HTT: variants seen among roughly 807,000 people sequenced by gnomAD.
HTT encodes the protein huntingtin, also known as huntington disease protein.
HTT carries 104 observed loss-of-function variants against 362.3 expected under a neutral mutation model. The ratio of observed to expected loss-of-function variants is 0.29; its 90% CI spans 0.24 to 0.34. The LOEUF (loss-of-function observed/expected upper bound fraction) is 0.34. Among genes scored for constraint, HTT ranks in the 10% least tolerant of loss-of-function variants. The pLI is 1.00. For missense variants in HTT, 3,301 were observed against 3,928.6 expected (o/e 0.84, Z 4.27); for synonymous variants, 1,577 against 1,548.7 (o/e 1.02, Z -0.43).
At chr4:3,177,518 C>T (rs1718294504) in intron 34 of HTT, 131 bp downstream of exon 34, 3 of 596,082 alleles carry the variant, frequency 5.0e-6, no homozygotes, top group South Asian at 2.3e-5. Context: ...ATCTGACTAA[C>T]ATACTGTGCA....
Position 3,212,058 on chromosome 4 carries a change from C to G in HTT, c.6544C>G (p.Gln2182Glu), listed in dbSNP as rs1464059325. 1.4e-5 allele frequency: 23 copies of G among 1,614,216 alleles called. No individual in the cohort carries two copies. Among genetic ancestry groups the G allele is most frequent in the Non-Finnish European group, 1.9e-5 (22 of 1,180,040 alleles). Residue 2182 changes from glutamine to glutamate, a missense_variant, in exon 48 of 67, where the codon CAG becomes GAG. Gln to Glu is a conservative substitution (Grantham distance 29). Transcript: ENST00000355072. ...TLARVSGTVQ[Q>E]LPAVHHVFQP... ...GGCCCGTGTGAGCGGCACCGTGCAG[C>G]AGCTCCCTGCTGTCCATCATGTCTT...
intron 31 of HTT, among the ~76,000 whole-genome samples, chr4:3,173,704 T>TGC (rs1718100782): frequency 1.3e-5 from 2 of 151,844 alleles, no homozygotes; most frequent in East Asian, 1.9e-4. Flanking sequence ...AGTCTTGCTC[T>TGC]GTCGCCCAGG....
At position 3,160,331 on chromosome 4, in the gene HTT, G is replaced by A. The variant is rs199529839; in HGVS notation, c.3803G>A (p.Arg1268His). The A allele has an allele frequency of 5.8e-6, 9 of 1,554,708 alleles. No homozygotes were observed. Among genetic ancestry groups the A allele is most frequent in the South Asian group, 2.4e-5 (2 of 84,244 alleles). Reference protein sequence around the residue: ...NSTEKFGGFLRSALDVLSQIL... With the variant: ...NSTEKFGGFLHSALDVLSQIL... ...ACGGAAAAGTTTGGAGGGTTTCTCC[G>A]CTCAGCCTTGGATGTTCTTTCTCAG... Residue 1268 changes from arginine to histidine, a missense_variant, in exon 29 of 67, where the codon CGC becomes CAC. By Grantham distance (29) the Arg-to-His change is conservative. Transcript: ENST00000355072.
At chr4:3,187,609 CTTT>C in intron 38 of HTT, 39 bp from the exon 39 acceptor site, 2 of 1,449,686 alleles carry the variant, frequency 1.4e-6, no homozygotes, top group South Asian at 2.4e-5. Context: ...TTTAATCTTC[CTTT>C]TTTCTTCAGC....
At position 3,129,937 on chromosome 4, in the gene HTT, C is replaced by T. The variant is rs1435344099; in HGVS notation, c.1757C>T (p.Thr586Ile). Residue 586 changes from threonine (T) to isoleucine (I), a missense_variant, in exon 13 of 67, where the codon ACC becomes ATC. Physicochemically the swap from Thr to Ile is moderately conservative, Grantham distance 89 (BLOSUM62 -1). Around this residue, in one of 4 missense-constraint regions of HTT, gnomAD observed 2,316 missense variants for 2,658.5 expected, o/e 0.87. Transcript: ENST00000355072. ...SDSSEIVLDGTDNQYLGLQIG... is the reference protein window; with the variant it reads ...SDSSEIVLDGIDNQYLGLQIG... ...TGAACCGTTTAGGTGTTAGACGGTA[C>T]CGACAACCAGTATTTGGGCCTGCAG... 4 of 1,613,882 alleles carry T rather than the reference C, an allele frequency of 2.5e-6. No homozygotes were observed. The African/African-American group carries it at 4.0e-5, about 16-fold the overall frequency.
At chr4:3,203,104 G>A (rs1033942302) in intron 41 of HTT, 2 of 152,212 alleles carry the variant, frequency 1.3e-5, no homozygotes, top group African/African-American at 4.8e-5. Flanking sequence ...TGTTGCCCAC[G>A]CGTCGGTGGC....
chr4:3,209,721 C>CTAG, intron 46 of HTT, 106 bp from the exon 47 acceptor site: 1 of 1,397,254 alleles, frequency 7.2e-7, no homozygotes, highest in South Asian at 1.3e-5. Context: ...CCCTCTCAGC[C>CTAG]TAGTGCGGTG....
intron 51 of HTT, among the ~76,000 whole-genome samples, chr4:3,217,461 C>T (rs2110282269): frequency 6.6e-6 from 1 of 152,338 alleles, no homozygotes; most frequent in South Asian, 2.1e-4. Flanking sequence ...GCTGAGGAGC[C>T]ACAGGATGGC....
At chr4:3,184,258 G>T (rs1718654178) in intron 37 of HTT, among the ~76,000 whole-genome samples, 1 of 152,080 alleles carries the variant, frequency 6.6e-6, no homozygotes, top group Non-Finnish European at 1.5e-5. Flanking sequence ...GCAGTGCAAA[G>T]GCCCTGGCGG....
At position 3,092,825 on chromosome 4, in the gene HTT, C is replaced by T. The variant is rs185468066; in HGVS notation, c.347+5803C>T. On this transcript the variant is annotated intron_variant, in intron 2 of 66. Transcript: ENST00000355072. ...CTTCTTGCCTTGAAATAGTTGAAAA[C>T]GGAAGAAATATATGTAACAGTGGTT... 1.2e-3 allele frequency among the ~76,000 whole-genome samples: 178 copies of T among 152,226 alleles called. 2 individuals are homozygous for T. Among genetic ancestry groups the T allele is most frequent in the Non-Finnish European group, 1.7e-3 (118 of 68,022 alleles).
At chr4:3,184,741 G>A (rs1037149949) in intron 37 of HTT, among the ~76,000 whole-genome samples, 2 of 152,120 alleles carry the variant, frequency 1.3e-5, no homozygotes, top group Non-Finnish European at 2.9e-5. Context: ...TCAGGTGTAT[G>A]AGCCTGGAGT....
chr4:3,180,445 A>G, intron 35 of HTT, 70 bp from the exon 36 acceptor site: 1 of 1,366,332 alleles, frequency 7.3e-7, no homozygotes, highest in South Asian at 1.5e-5. Flanking sequence ...CATTTTGTAG[A>G]TGTTGAGAGC....
chr4:3,167,601 C>CAT (rs1467795133), intron 29 of HTT, among the ~76,000 whole-genome samples: 2 of 151,644 alleles, frequency 1.3e-5, no homozygotes, highest in African/African-American at 4.8e-5. Flanking sequence ...TTATGACTGT[C>CAT]ATATATAGAA....
chr4:3,125,999 G>T (rs1715504113), intron 11 of HTT, among the ~76,000 whole-genome samples: 1 of 152,152 alleles, frequency 6.6e-6, no homozygotes. Flanking sequence ...CCTATGGATA[G>T]TTTAACTTGA....
chr4:3,144,813 G>T (rs921443550), intron 23 of HTT, among the ~76,000 whole-genome samples: 7 of 152,186 alleles, frequency 4.6e-5, no homozygotes, highest in Non-Finnish European at 7.3e-5. Context: ...TGCCCTTAGG[G>T]TTTCTGCAGG....
chr4:3,229,122 T>C (rs1263021175), intron 59 of HTT, 113 bp downstream of exon 59: 2 of 1,003,090 alleles, frequency 2.0e-6, no homozygotes, highest in Non-Finnish European at 1.4e-6. Flanking sequence ...CACACACCCC[T>C]CATGCATGCA....
At chr4:3,139,359 G>T (rs1464040493) in intron 21 of HTT, among the ~76,000 whole-genome samples, 1 of 152,054 alleles carries the variant, frequency 6.6e-6, no homozygotes, top group Non-Finnish European at 1.5e-5. Flanking sequence ...CACCATGCCC[G>T]GCTAATTTTT....
chr4:3,115,259 C>A, intron 6 of HTT, 45 bp from the exon 7 acceptor site: 1 of 1,588,972 alleles, frequency 6.3e-7, no homozygotes, highest in Non-Finnish European at 8.6e-7. Flanking sequence ...TGATAAGCTT[C>A]ATAGGAGCTT....
chr4:3,111,696 A>C (rs1714761001), intron 6 of HTT, among the ~76,000 whole-genome samples: 1 of 152,026 alleles, frequency 6.6e-6, no homozygotes, highest in South Asian at 2.1e-4. Flanking sequence ...GTCTGTCCTC[A>C]GCCTATGTAA....
Sources: gnomAD v4.1 joint callset for allele counts (sites outside exome capture counted in the v4.1 genomes callset) on GRCh38, gnomAD v4.1.1 for gene constraint, gnomAD v4.1.1 regional missense constraint, MANE v1.5 for transcripts, NCBI Gene and HGNC (gene_info 2026-07-23, HGNC 2026-07-21) for gene names.